FRMD4A: variants seen among roughly 807,000 people sequenced by gnomAD.
The protein encoded by FRMD4A is FERM domain containing 4A, also known as FERM domain-containing protein 4A.
A neutral mutation model predicts 129.1 loss-of-function variants in FRMD4A; 29 were observed. The ratio of observed to expected loss-of-function variants is 0.22; its 90% CI spans 0.17 to 0.31. The LOEUF is 0.31. Ranked by LOEUF, FRMD4A falls within the 10% of genes least tolerant of loss-of-function variation. The pLI is 1.00. For missense variants in FRMD4A, 1,272 were observed against 1,375.8 expected (o/e 0.92, Z 1.19); for synonymous variants, 634 against 571.6 (o/e 1.11, Z -1.56).
intron 2 of FRMD4A, among the ~76,000 whole-genome samples, chr10:14,202,541 C>G (rs1330293952): frequency 6.6e-6 from 1 of 152,038 alleles, no homozygotes; most frequent in East Asian, 1.9e-4. Flanking sequence ...ACGGGGATTA[C>G]AGGTGAGCAG....
chr10:14,141,606 G>C (rs1839839764), intron 2 of FRMD4A, among the ~76,000 whole-genome samples: 2 of 150,992 alleles, frequency 1.3e-5, no homozygotes, highest in Non-Finnish European at 2.9e-5. Flanking sequence ...CCTTCACCTA[G>C]TGAGATCCTA....
chr10:13,981,413 A>G (rs2095560241), intron 2 of FRMD4A, among the ~76,000 whole-genome samples: 1 of 152,170 alleles, frequency 6.6e-6, no homozygotes. Flanking sequence ...AACAGACTGA[A>G]AGGTGTATGA....
chr10:13,663,540 T>A (rs573882898), intron 18 of FRMD4A, 31 bp from the exon 19 acceptor site: 2 of 1,102,570 alleles, frequency 1.8e-6, no homozygotes, highest in Non-Finnish European at 2.8e-6. Flanking sequence ...AGCCTATGAG[T>A]TCAGCACATT....
At chr10:13,809,004 C>T (rs966765302) in intron 4 of FRMD4A, among the ~76,000 whole-genome samples, 16 of 152,238 alleles carry the variant, frequency 1.1e-4, no homozygotes, top group African/African-American at 2.7e-4. Context: ...CACGCATGCA[C>T]GCACATGCTT....
At chr10:14,033,034 C>T (rs567849400) in intron 2 of FRMD4A, among the ~76,000 whole-genome samples, 15 of 152,278 alleles carry the variant, frequency 9.9e-5, no homozygotes, top group African/African-American at 3.6e-4. Flanking sequence ...TGGCTGGGCG[C>T]GGTGGCTCAC....
In FRMD4A at chr10:14,006,066, C is replaced by T. The variant is rs554268842; in HGVS notation, c.46-147154G>A. ...CTCTCAGTGTTTGCCCTTACCTCTCCTCCTCTTCTATAAACACAGGACTCC... is the reference window on the plus strand; with the variant it reads ...CTCTCAGTGTTTGCCCTTACCTCTCTTCCTCTTCTATAAACACAGGACTCC... On this transcript the variant is annotated intron_variant, in intron 2 of 24. Transcript: ENST00000357447. Among the ~76,000 whole-genome samples the T allele has an allele frequency of 1.2e-4, 19 of 152,342 alleles. No individual in the cohort carries two copies. The South Asian group carries it at 3.9e-3, about 32-fold the overall frequency.
Position 13,853,845 on chromosome 10 carries a change from A to G in FRMD4A, c.111+5002T>C, listed in dbSNP as rs1249165516. On this transcript the variant is annotated intron_variant, in intron 3 of 24. Coordinates refer to ENST00000357447, the MANE Select transcript of FRMD4A (RefSeq NM_018027.5). ...AGACTCTCTCAAAAAAAAAAAAAAA[A>G]AAAAAAAACCCAAAAAGTGGGGATG... Among the ~76,000 whole-genome samples, 68 of 148,028 alleles carry G rather than the reference A, an allele frequency of 4.6e-4. 1 individual carries two copies. Among genetic ancestry groups the G allele is most frequent in the African/African-American group, 1.5e-3 (62 of 40,492 alleles).
chr10:13,670,371 A>G (rs2083416769), intron 17 of FRMD4A, 35 bp downstream of exon 17: 2 of 1,606,610 alleles, frequency 1.2e-6, no homozygotes, highest in Non-Finnish European at 1.7e-6. Context: ...CAAGGATAAC[A>G]TGAGAGAATC....
intron 2 of FRMD4A, among the ~76,000 whole-genome samples, chr10:14,185,524 T>C (rs571618948): frequency 6.6e-6 from 1 of 152,330 alleles, no homozygotes; most frequent in South Asian, 2.1e-4. Flanking sequence ...AGGTTTGTTG[T>C]AGAACTATGG....
chr10:13,804,630 CGCCTCCCGGGTTCAAGCAATTCTCCT>C (rs1206604773), intron 4 of FRMD4A, among the ~76,000 whole-genome samples: 1 of 151,880 alleles, frequency 6.6e-6, no homozygotes, highest in East Asian at 1.9e-4. Context: ...TGCAATCTCC[CGCCTCCCGGGTTCAAGCAATTCTCCT>C]GCCTCAGCCT....
Position 13,663,462 on chromosome 10 carries a change from G to C in FRMD4A, c.1651C>G (p.Leu551Val). ...AAATGCATAAACCTACCATCCTCAA[G>C]AACAAGGGCATCTGAGAGGGAGCTG... ...EDSSLSDALV[L>V]EDEDSQVTST... is the part of the protein sequence containing the mutation. The change falls in exon 19 of 25, where the codon CTT becomes GTT. Residue 551 changes from leucine to valine, a missense_variant. Leu to Val is a conservative substitution (Grantham distance 32). Transcript: ENST00000357447. 6.5e-7 allele frequency: 1 copy of C among 1,531,692 alleles called. No homozygotes were observed. The highest frequency in any genetic ancestry group is 9.1e-7 in the Non-Finnish European group (1 of 1,104,628). The allele number at this position is 1,531,692 out of a possible 1,614,324, so 94.9% of individuals were successfully genotyped here.
chr10:13,819,948 T>C (rs1277686305), intron 3 of FRMD4A, among the ~76,000 whole-genome samples: 1 of 152,210 alleles, frequency 6.6e-6, no homozygotes. Flanking sequence ...GGTCTCGAAC[T>C]CCTGAGCGCA....
At chr10:13,933,610 T>C (rs1263360983) in intron 2 of FRMD4A, among the ~76,000 whole-genome samples, 1 of 152,176 alleles carries the variant, frequency 6.6e-6, no homozygotes, top group Non-Finnish European at 1.5e-5. Flanking sequence ...GCATAGTGAG[T>C]GTGTGAACAG....
chr10:14,165,800 C>T (rs1431868169), intron 2 of FRMD4A, among the ~76,000 whole-genome samples: 2 of 152,120 alleles, frequency 1.3e-5, no homozygotes, highest in African/African-American at 2.4e-5. Context: ...GGGAGATAAA[C>T]ATTGAGTACT....
At chr10:13,915,590 T>C (rs942589872) in intron 2 of FRMD4A, among the ~76,000 whole-genome samples, 5 of 150,232 alleles carry the variant, frequency 3.3e-5, no homozygotes, top group African/African-American at 1.2e-4. Context: ...GAGAATAGCA[T>C]GAACCTGGGA....
At chr10:13,961,384 C>T in intron 2 of FRMD4A, among the ~76,000 whole-genome samples, 1 of 152,142 alleles carries the variant, frequency 6.6e-6, no homozygotes, top group East Asian at 1.9e-4. Context: ...CCAAAATAGG[C>T]CAGCTGGTTT....
chr10:13,998,694 T>A (rs2095631466), intron 2 of FRMD4A, among the ~76,000 whole-genome samples: 2 of 152,254 alleles, frequency 1.3e-5, no homozygotes, highest in South Asian at 4.1e-4. Flanking sequence ...ACACCCAATC[T>A]GTCAGGAAAT....
At chr10:13,660,644 G>A in intron 19 of FRMD4A, 91 bp from the exon 20 acceptor site, 1 of 763,636 alleles carries the variant, frequency 1.3e-6, no homozygotes, top group Non-Finnish European at 2.2e-6. Flanking sequence ...CCGCACCTTG[G>A]AGCCACACAG....
chr10:13,931,475 C>T (rs1451644332), intron 2 of FRMD4A, among the ~76,000 whole-genome samples: 1 of 152,132 alleles, frequency 6.6e-6, no homozygotes, highest in African/African-American at 2.4e-5. Flanking sequence ...CCTCTGCATC[C>T]TCCACATCTC....
Sources: gnomAD v4.1 joint callset for allele counts (sites outside exome capture counted in the v4.1 genomes callset) on GRCh38, gnomAD v4.1.1 for gene constraint, MANE v1.5 for transcripts, NCBI Gene and HGNC (gene_info 2026-07-23, HGNC 2026-07-21) for gene names.